PCDH9: variants seen among roughly 807,000 people sequenced by gnomAD.
PCDH9 encodes the protein protocadherin-9.
PCDH9 carries 24 observed loss-of-function variants against 70.6 expected under a neutral mutation model. The ratio of observed to expected loss-of-function variants is 0.34; its 90% CI spans 0.25 to 0.48. PCDH9 has a LOEUF of 0.48. Ranked by LOEUF, PCDH9 falls within the 20% of genes least tolerant of loss-of-function variation. PCDH9 has a pLI of 0.99. For missense variants in PCDH9, 1,281 were observed against 1,503.6 expected (o/e 0.85, Z 2.45); for synonymous variants, 562 against 558.5 (o/e 1.01, Z -0.09).
Position 67,226,355 on chromosome 13 carries a change from C to T in PCDH9, c.2086G>A (p.Val696Met), listed in dbSNP as rs766490363. Residue 696 changes from valine to methionine, a missense_variant, in exon 2 of 5, where the codon GTG becomes ATG. This residue lies in a region of PCDH9 where 798 missense variants were observed against 1,003.1 expected (regional missense o/e 0.80). Coordinates refer to ENST00000377865, the MANE Select transcript of PCDH9 (RefSeq NM_203487.3). The surrounding 1 kb of genome is among the most constrained non-coding windows in gnomAD (Gnocchi z 5.0). ...TCCACTGCAAAAACTTCTGCTACCA[C>T]GGAGCCAGGAATGGCTGAGAGGGGC... ...LVPLSAIPGS[V>M]VAEVFAVDVD... 15 of 1,614,046 alleles carry T rather than the reference C, an allele frequency of 9.3e-6. No individual in the cohort carries two copies. The highest frequency in any genetic ancestry group is 1.3e-5 in the African/African-American group (1 of 74,910).
chr13:66,727,157 A>G (rs915700425), intron 3 of PCDH9, among the ~76,000 whole-genome samples: 2 of 152,160 alleles, frequency 1.3e-5, no homozygotes, highest in African/African-American at 4.8e-5. Context: ...AGTCCTAGCT[A>G]CTTGGAAGAA....
In PCDH9 at chr13:66,713,621, G is replaced by GTCTATATATATATA. The variant is rs1415001060; in HGVS notation, c.3139-82211_3139-82210insTATATATATATAGA. Among the ~76,000 whole-genome samples, 3 of 16,916 alleles carry GTCTATATATATATA rather than the reference G, an allele frequency of 1.8e-4. No individual in the cohort carries two copies. The South Asian group carries it at 9.4e-3, about 53-fold the overall frequency. 11.1% of individuals were successfully genotyped at this position (16,916 alleles called of 152,430 possible). On this transcript the variant is annotated intron_variant, in intron 3 of 4. Transcript: ENST00000377865. The stretch of plus-strand genomic sequence containing the variant: ...GTGTATATATATATAAAGTGTGTGT[G>GTCTATATATATATA]TGTGTATATATATATATATATATAT...
intron 4 of PCDH9, among the ~76,000 whole-genome samples, chr13:66,479,126 C>T (rs1178332925): frequency 6.6e-6 from 1 of 152,144 alleles, no homozygotes; most frequent in Non-Finnish European, 1.5e-5. Flanking sequence ...AGAAATGGAA[C>T]AAGAAAGGCT....
At chr13:67,121,999 C>A (rs2086886396) in intron 2 of PCDH9, among the ~76,000 whole-genome samples, 1 of 152,028 alleles carries the variant, frequency 6.6e-6, no homozygotes. Flanking sequence ...TAGTCCTTTC[C>A]CCAACTCTTG....
intron 2 of PCDH9, among the ~76,000 whole-genome samples, chr13:67,070,250 T>A (rs2085734514): frequency 6.6e-6 from 1 of 152,000 alleles, no homozygotes; most frequent in African/African-American, 2.4e-5. Context: ...AAGACACCCA[T>A]CATAAAATTT....
At chr13:67,134,863 C>T (rs1263705301) in intron 2 of PCDH9, among the ~76,000 whole-genome samples, 1 of 152,028 alleles carries the variant, frequency 6.6e-6, no homozygotes. Context: ...AAAACTGTCT[C>T]AAACAACTGA....
chr13:66,623,547 C>A (rs1165308037), intron 4 of PCDH9, among the ~76,000 whole-genome samples: 1 of 152,168 alleles, frequency 6.6e-6, no homozygotes. Flanking sequence ...CAGGCAATCC[C>A]CCCACCTCAG....
chr13:66,422,989 C>T (rs914336110), intron 4 of PCDH9, among the ~76,000 whole-genome samples: 7 of 151,950 alleles, frequency 4.6e-5, no homozygotes, highest in African/African-American at 1.7e-4. Context: ...ACCACTGATC[C>T]CTAGCAATAC....
chr13:66,643,423 C>A (rs1212465499), intron 3 of PCDH9, among the ~76,000 whole-genome samples: 1 of 151,958 alleles, frequency 6.6e-6, no homozygotes, highest in Non-Finnish European at 1.5e-5. Context: ...CCTATTATTT[C>A]AGACAGTCAC....
At chr13:66,617,677 G>A (rs1023712416) in intron 4 of PCDH9, among the ~76,000 whole-genome samples, 1 of 152,136 alleles carries the variant, frequency 6.6e-6, no homozygotes, top group Non-Finnish European at 1.5e-5. Context: ...AAAGGCCTCG[G>A]AATTTTTGAT....
intron 2 of PCDH9, among the ~76,000 whole-genome samples, chr13:66,935,865 G>A (rs764087126): frequency 1.3e-5 from 2 of 152,062 alleles, no homozygotes; most frequent in Non-Finnish European, 2.9e-5. Flanking sequence ...CGGATCACTA[G>A]GTCAAGAGAT....
chr13:66,339,317 A>G (rs1055243312), intron 4 of PCDH9, among the ~76,000 whole-genome samples: 5 of 152,246 alleles, frequency 3.3e-5, no homozygotes, highest in Admixed American at 2.0e-4. Context: ...TTAAGACATT[A>G]CACTCAATGG....
At chr13:66,443,952 A>G (rs7985021) in intron 4 of PCDH9, among the ~76,000 whole-genome samples, 9,597 of 152,018 alleles carry the variant, frequency 0.063, 906 homozygotes, top group African/African-American at 0.2. Context: ...TTTTTTCCCT[A>G]TTTAAATTTC....
intron 3 of PCDH9, among the ~76,000 whole-genome samples, chr13:66,759,914 T>G (rs1445756476): frequency 6.6e-6 from 1 of 152,186 alleles, no homozygotes; most frequent in Non-Finnish European, 1.5e-5. Context: ...ATTCTAAATT[T>G]GACTGTGTAG....
chr13:66,542,702 A>G (rs1961015562), intron 4 of PCDH9, among the ~76,000 whole-genome samples: 1 of 147,226 alleles, frequency 6.8e-6, no homozygotes, highest in Middle Eastern at 3.3e-3. Context: ...AAATATATAT[A>G]TATAAAAACA....
intron 4 of PCDH9, among the ~76,000 whole-genome samples, chr13:66,410,723 T>C (rs2138322099): frequency 6.6e-6 from 1 of 152,356 alleles, no homozygotes; most frequent in Non-Finnish European, 1.5e-5. Flanking sequence ...GAAGAGATTA[T>C]GACTTAGAAT....
intron 2 of PCDH9, among the ~76,000 whole-genome samples, chr13:67,091,140 CTT>C (rs1213316572): frequency 6.6e-6 from 1 of 152,060 alleles, no homozygotes; most frequent in Non-Finnish European, 1.5e-5. Context: ...CCTCCAATGA[CTT>C]TGTAAATTTA....
chr13:66,791,590 T>C (rs1380755420), intron 3 of PCDH9, among the ~76,000 whole-genome samples: 1 of 152,180 alleles, frequency 6.6e-6, no homozygotes, highest in Admixed American at 6.5e-5. Context: ...ATTATGTTTT[T>C]ACATACATGT....
intron 4 of PCDH9, among the ~76,000 whole-genome samples, chr13:66,413,682 T>G (rs1957412198): frequency 6.6e-6 from 1 of 151,618 alleles, no homozygotes; most frequent in African/African-American, 2.4e-5. Context: ...CGAGACTCCA[T>G]CTTAAAAAAA....
Sources: allele counts gnomAD v4.1 joint callset (sites outside exome capture counted in the v4.1 genomes callset), GRCh38; gene constraint gnomAD v4.1.1; regional missense constraint gnomAD v4.1.1; non-coding constraint Gnocchi (gnomAD v3.1); transcripts MANE v1.5; gene names NCBI Gene and HGNC (gene_info 2026-07-23, HGNC 2026-07-21).